IFNGR2: variants seen among roughly 807,000 people sequenced by gnomAD.
IFNGR2 encodes interferon gamma receptor 2, also known as IFN-gamma receptor 2.
Under a neutral mutation model 41.1 loss-of-function variants are expected in IFNGR2, and 15 were observed. The ratio of observed to expected loss-of-function variants is 0.37; its 90% CI spans 0.24 to 0.56. The LOEUF is 0.56. Ranked by LOEUF, IFNGR2 falls within the 20% of genes least tolerant of loss-of-function variation. The probability of loss-of-function intolerance (pLI) is 0.81; values close to 1 mark genes in which losing one functional copy is unlikely to be tolerated. For synonymous variants in IFNGR2, 161 were observed against 171.6 expected, an observed-to-expected ratio of 0.94 and a Z score of 0.48; for missense variants, 362 against 415.7, an observed-to-expected ratio of 0.87 and a Z score of 1.12.
intron 6 of IFNGR2, among the ~76,000 whole-genome samples, chr21:33,434,284 G>T (rs17880137): frequency 6.6e-6 from 1 of 152,122 alleles, no homozygotes; most frequent in Non-Finnish European, 1.5e-5. Flanking sequence ...GACTTGGGGA[G>T]GCCAGGGTGG....
intron 4 of IFNGR2, among the ~76,000 whole-genome samples, chr21:33,431,011 C>T (rs1191611673): frequency 6.6e-6 from 1 of 152,128 alleles, no homozygotes; most frequent in Non-Finnish European, 1.5e-5. Context: ...CAACAGGAGC[C>T]ATTGCCTGGA....
chr21:33,436,544 G>A (rs1010985565), intron 6 of IFNGR2, among the ~76,000 whole-genome samples: 5 of 151,970 alleles, frequency 3.3e-5, no homozygotes, highest in Non-Finnish European at 7.4e-5. Flanking sequence ...CCAACATAGT[G>A]AAACCCTGTC....
intron 1 of IFNGR2, among the ~76,000 whole-genome samples, chr21:33,413,773 A>G (rs1203107403): frequency 1.5e-5 from 2 of 129,954 alleles, no homozygotes; most frequent in African/African-American, 5.9e-5. Context: ...GGATTCTGAT[A>G]TTGGTGGTGT....
chr21:33,404,329 C>T (rs2123323763), intron 1 of IFNGR2, among the ~76,000 whole-genome samples: 1 of 152,342 alleles, frequency 6.6e-6, no homozygotes, highest in East Asian at 1.9e-4. Context: ...CTAGACAGTT[C>T]CCGCGGTCAT....
At chr21:33,436,737 A>T (rs1006847638) in intron 6 of IFNGR2, 91 bp from the exon 7 acceptor site, 6 of 1,020,060 alleles carry the variant, frequency 5.9e-6, no homozygotes, top group African/African-American at 4.6e-5. Flanking sequence ...AAATAAAAAT[A>T]AAAATAAAAT....
intron 4 of IFNGR2, among the ~76,000 whole-genome samples, chr21:33,431,617 C>A (rs2083888705): frequency 6.6e-6 from 1 of 152,196 alleles, no homozygotes; most frequent in Non-Finnish European, 1.5e-5. Context: ...GAGTCTTGCT[C>A]TTCATCCAGG....
chr21:33,429,045 G>A (rs958972831), intron 4 of IFNGR2, among the ~76,000 whole-genome samples: 2 of 152,132 alleles, frequency 1.3e-5, no homozygotes, highest in East Asian at 1.9e-4. Context: ...CCTGGGACCC[G>A]CTTAGCACCA....
chr21:33,437,269 TAC>T lies in IFNGR2; in HGVS notation c.*308_*309del. 2 of 331,212 alleles carry T rather than the reference TAC, an allele frequency of 6.0e-6. No homozygotes were observed. The highest frequency in any genetic ancestry group is 6.1e-5 in the South Asian group (2 of 32,986). The allele number at this position is 331,212 out of a possible 1,614,324, so 20.5% of individuals were successfully genotyped here. A position where few individuals can be genotyped will look rare whatever the true frequency, so the allele number is the denominator to read the frequency against. ...CAAAATGGATATGACACATCTCTGA[TAC>T]TTTTTTCATTATTGGTTGGGCTGAG... On this transcript the variant is annotated 3_prime_UTR_variant, in exon 7 of 7. Coordinates refer to ENST00000290219, the MANE Select transcript of IFNGR2 (RefSeq NM_005534.4).
intron 2 of IFNGR2, among the ~76,000 whole-genome samples, chr21:33,416,433 T>A (rs900927037): frequency 2.0e-5 from 3 of 152,176 alleles, no homozygotes; most frequent in Non-Finnish European, 4.4e-5. Context: ...CTTAAAAAAA[T>A]TTTTTATTCA....
chr21:33,430,957 G>A (rs545265892), intron 4 of IFNGR2, among the ~76,000 whole-genome samples: 5 of 152,182 alleles, frequency 3.3e-5, no homozygotes, highest in Non-Finnish European at 4.4e-5. Flanking sequence ...ATAGGGTATC[G>A]CTGTTTTCCA....
intron 2 of IFNGR2, 127 bp from the exon 3 acceptor site, chr21:33,421,353 G>T (rs980570892): frequency 2.6e-5 from 17 of 661,062 alleles, no homozygotes; most frequent in East Asian, 1.9e-4. Flanking sequence ...AAAAAAAAGC[G>T]GGGGGGAACT....
intron 5 of IFNGR2, 55 bp downstream of exon 5, chr21:33,432,391 TAG>T (rs2083897740): frequency 3.3e-6 from 5 of 1,520,422 alleles, no homozygotes; most frequent in Non-Finnish European, 3.7e-6. Flanking sequence ...ACTCCTCCAA[TAG>T]TGAAATCGGG....
At chr21:33,427,937 G>C (rs1303020466) in intron 4 of IFNGR2, among the ~76,000 whole-genome samples, 1 of 144,414 alleles carries the variant, frequency 6.9e-6, no homozygotes, top group African/African-American at 2.5e-5. Context: ...TACCACGTTG[G>C]TCAGGCTGGT....
rs971509397 is a variant in IFNGR2, at chr21:33,437,317, C to T, written c.*355C>T. The T allele has an allele frequency of 7.8e-6, 2 of 257,778 alleles. No individual in the cohort carries two copies. The highest frequency in any genetic ancestry group is 7.7e-6 in the Non-Finnish European group (1 of 130,652). 16.0% of individuals were successfully genotyped at this position (257,778 alleles called of 1,614,324 possible). ...CTGAGCAGTCAGAAGACCTGGTCGTCGTCTTGACTTTGGCAAATGAGCCGG... is the reference window on the plus strand; with the variant it reads ...CTGAGCAGTCAGAAGACCTGGTCGTTGTCTTGACTTTGGCAAATGAGCCGG... On this transcript the variant is annotated 3_prime_UTR_variant, in exon 7 of 7. Transcript: ENST00000290219.
chr21:33,436,887 G>T lies in IFNGR2; in HGVS notation c.939G>T (p.Lys313Asn). ...CCTTGGACAAGGACAGCTCACCAAA[G>T]GATGACGTCTGGGACTCTGTGTCCA... ...LEALDKDSSPKDDVWDSVSII... is the reference protein window; with the variant it reads ...LEALDKDSSPNDDVWDSVSII... Residue 313 changes from lysine (K) to asparagine (N), a missense_variant, in exon 7 of 7, where the codon AAG (lysine) becomes AAT (asparagine). By Grantham distance (94) the Lys-to-Asn change is moderately conservative. Transcript: ENST00000290219. The T allele has an allele frequency of 6.2e-7, 1 of 1,613,940 alleles. No homozygotes were observed. Among genetic ancestry groups the T allele is most frequent in the Non-Finnish European group, 8.5e-7 (1 of 1,179,846 alleles).
chr21:33,432,130 C>T (rs2123368416), intron 4 of IFNGR2, 47 bp from the exon 5 acceptor site: 1 of 1,556,746 alleles, frequency 6.4e-7, no homozygotes, highest in South Asian at 1.1e-5. Flanking sequence ...ATGTAGGCAG[C>T]TTGGCCATGT....
Position 33,421,484 on chromosome 21 carries a change from G to C in IFNGR2, c.211G>C (p.Asp71His). 1 of 1,613,166 alleles carries C rather than the reference G, an allele frequency of 6.2e-7. No individual in the cohort carries two copies. Among genetic ancestry groups the C allele is most frequent in the Non-Finnish European group, 8.5e-7 (1 of 1,179,258 alleles). ...VVYQVQFKYT[D>H]SKWFTADIMS... ...AAATCCTTTTTTCCTTCCCAGCACC[G>C]ACAGTAAATGGTTCACGGCCGACAT... Residue 71 changes from aspartate (D) to histidine (H), a missense_variant, in exon 3 of 7, where the codon GAC becomes CAC. Coordinates refer to ENST00000290219, the MANE Select transcript of IFNGR2 (RefSeq NM_005534.4).
At chr21:33,413,238 C>G (rs2083729320) in intron 1 of IFNGR2, among the ~76,000 whole-genome samples, 1 of 152,146 alleles carries the variant, frequency 6.6e-6, no homozygotes, top group South Asian at 2.1e-4. Context: ...CACAGCACAC[C>G]TGGTGGGCCT....
intron 2 of IFNGR2, among the ~76,000 whole-genome samples, chr21:33,417,395 AT>A (rs2083761749): frequency 6.6e-6 from 1 of 152,078 alleles, no homozygotes; most frequent in Non-Finnish European, 1.5e-5. Context: ...GGCGTTTCTT[AT>A]TTGTTTTTAA....
Sources: allele counts gnomAD v4.1 joint callset (sites outside exome capture counted in the v4.1 genomes callset), GRCh38; gene constraint gnomAD v4.1.1; transcripts MANE v1.5; gene names NCBI Gene and HGNC (gene_info 2026-07-23, HGNC 2026-07-21).